Variants in CREB3L1 observed in about 807,000 individuals in gnomAD.
The protein encoded by CREB3L1 is cAMP responsive element binding protein 3 like 1.
Under a neutral mutation model 54.5 loss-of-function variants are expected in CREB3L1, and 33 were observed. The ratio of observed to expected loss-of-function variants is 0.61; its 90% CI spans 0.46 to 0.81. CREB3L1 has a LOEUF of 0.81. Among genes scored for constraint, CREB3L1 ranks in the 30% least tolerant of loss-of-function variants. The pLI, the probability that CREB3L1 is intolerant of heterozygous loss-of-function variation, is 0.00. For synonymous variants in CREB3L1, 284 were observed against 286.4 expected (o/e 0.99, Z 0.08); for missense variants, 656 against 673.3 (o/e 0.97, Z 0.29).
intron 8 of CREB3L1, chr11:46,315,680 G>T: frequency 5.7e-6 from 1 of 176,746 alleles, no homozygotes; most frequent in Non-Finnish European, 1.2e-5. Context: ...AAAATTAGCC[G>T]GCATGGTGGC....
chr11:46,280,479 T>A (rs1938953088), intron 1 of CREB3L1, among the ~76,000 whole-genome samples: 1 of 152,140 alleles, frequency 6.6e-6, no homozygotes, highest in African/African-American at 2.4e-5. Context: ...CTTGAGCCAC[T>A]GCGCCCGGCC....
chr11:46,283,584 T>G (rs775716271), intron 1 of CREB3L1, among the ~76,000 whole-genome samples: 2 of 152,054 alleles, frequency 1.3e-5, no homozygotes, highest in African/African-American at 2.4e-5. Flanking sequence ...AAAAATTGTT[T>G]TAAAAAAATC....
chr11:46,286,468 T>C (rs1939055812), intron 1 of CREB3L1, among the ~76,000 whole-genome samples: 1 of 152,204 alleles, frequency 6.6e-6, no homozygotes, highest in Admixed American at 6.5e-5. Context: ...TTATAAAGTA[T>C]AATAAAATTA....
At chr11:46,288,830 T>C (rs1939093281) in intron 1 of CREB3L1, among the ~76,000 whole-genome samples, 2 of 152,172 alleles carry the variant, frequency 1.3e-5, no homozygotes, top group Non-Finnish European at 2.9e-5. Context: ...GAGCTTGGGT[T>C]CAAATCCCCG....
Position 46,312,854 on chromosome 11 carries a change from G to T in CREB3L1, c.966G>T (p.Val322=). 6.3e-7 allele frequency: 1 copy of T among 1,591,234 alleles called. No individual in the cohort carries two copies. The change falls in exon 8 of 12, where the codon GTG becomes GTT. Residue 322 remains valine (V), a synonymous_variant. Transcript: ENST00000621158. ...KEYVECLEKK[V]ETFTSENNEL... ...TGTGCCTGCTTGGCCCCTACAGGGT[G>T]GAGACATTTACATCTGAGAACAATG...
chr11:46,296,055 G>A (rs550703801), intron 1 of CREB3L1, among the ~76,000 whole-genome samples: 1 of 152,340 alleles, frequency 6.6e-6, no homozygotes, highest in African/African-American at 2.4e-5. Context: ...CCTGTAGGAC[G>A]CTCACCCCCT....
intron 1 of CREB3L1, among the ~76,000 whole-genome samples, chr11:46,288,527 A>T (rs896638259): frequency 2.0e-5 from 3 of 152,228 alleles, no homozygotes; most frequent in African/African-American, 7.2e-5. Context: ...AGCCCTGCAG[A>T]GCCCTGATCA....
Position 46,312,632 on chromosome 11 carries a change from T to G in CREB3L1, c.924T>G (p.Arg308=). 7.4e-6 allele frequency: 12 copies of G among 1,611,704 alleles called. No homozygotes were observed. The highest frequency in any genetic ancestry group is 1.0e-5 in the Non-Finnish European group (12 of 1,178,892). The change falls in exon 7 of 12, where the codon CGT becomes CGG. Residue 308 remains arginine (R), a synonymous_variant. Transcript: ENST00000621158. Reference sequence around the variant, plus strand: ...TCTAGATCTCAGCCCAGGAGAGCCGTCGTAAGAAGAAGGAGTATGTGGAGT... The same window carrying G: ...TCTAGATCTCAGCCCAGGAGAGCCGGCGTAAGAAGAAGGAGTATGTGGAGT... ...IKNKISAQES[R]RKKKEYVECL...
In CREB3L1 at chr11:46,293,418, G is replaced by C. The variant is rs534086019; in HGVS notation, c.103-6517G>C. Among the ~76,000 whole-genome samples the C allele has an allele frequency of 2.6e-5, 4 of 152,354 alleles. No individual in the cohort carries two copies. In the South Asian group the frequency reaches 8.3e-4, roughly 32 times the overall value. ...GCCTGGTAAGAAGATGCCAGGGGCT[G>C]GCTGGGAAAATGAGGAAGCTATGGC... On this transcript the variant is annotated intron_variant, in intron 1 of 11. Coordinates refer to ENST00000621158, the MANE Select transcript of CREB3L1 (RefSeq NM_052854.4).
At chr11:46,288,409 A>T (rs1939086563) in intron 1 of CREB3L1, among the ~76,000 whole-genome samples, 1 of 152,148 alleles carries the variant, frequency 6.6e-6, no homozygotes, top group Non-Finnish European at 1.5e-5. Flanking sequence ...ATTAAGTTAT[A>T]ATTGACTGTG....
intron 1 of CREB3L1, among the ~76,000 whole-genome samples, chr11:46,297,689 G>A (rs1308834720): frequency 6.6e-6 from 1 of 152,216 alleles, no homozygotes; most frequent in Non-Finnish European, 1.5e-5. Flanking sequence ...ATTGATTGCT[G>A]GCAAACTGGG....
intron 8 of CREB3L1, 60 bp from the exon 9 acceptor site, chr11:46,316,226 C>T: frequency 9.1e-7 from 1 of 1,099,726 alleles, no homozygotes; most frequent in Non-Finnish European, 1.4e-6. Context: ...AGGAGAGCTC[C>T]AGGAGGCAGA....
chr11:46,292,044 T>A (rs961837011), intron 1 of CREB3L1, among the ~76,000 whole-genome samples: 1 of 152,228 alleles, frequency 6.6e-6, no homozygotes, highest in Admixed American at 6.5e-5. Context: ...CCTGGCGGGT[T>A]GGCCACTGTG....
At chr11:46,288,580 GCT>G (rs1939089956) in intron 1 of CREB3L1, among the ~76,000 whole-genome samples, 1 of 152,146 alleles carries the variant, frequency 6.6e-6, no homozygotes, top group African/African-American at 2.4e-5. Flanking sequence ...GAGATGGAAG[GCT>G]CTTTCCTTTG....
At chr11:46,318,880 G>C (rs984864419) in intron 10 of CREB3L1, among the ~76,000 whole-genome samples, 1 of 152,162 alleles carries the variant, frequency 6.6e-6, no homozygotes, top group South Asian at 2.1e-4. Flanking sequence ...GGAGGAAGCT[G>C]GTGTGGGGAG....
At chr11:46,280,512 G>A (rs1227699290) in intron 1 of CREB3L1, among the ~76,000 whole-genome samples, 1 of 152,028 alleles carries the variant, frequency 6.6e-6, no homozygotes, top group Admixed American at 6.6e-5. Flanking sequence ...TCTTCTTCTG[G>A]GCTTTGACTT....
chr11:46,305,819 G>C (rs1426794591), intron 2 of CREB3L1, among the ~76,000 whole-genome samples: 4 of 147,086 alleles, frequency 2.7e-5, no homozygotes, highest in African/African-American at 7.5e-5. Flanking sequence ...CTCACTGCAA[G>C]CTCCGCCTCC....
At chr11:46,280,190 GT>G (rs1267979153) in intron 1 of CREB3L1, among the ~76,000 whole-genome samples, 29 of 93,788 alleles carry the variant, frequency 3.1e-4, no homozygotes, top group African/African-American at 1.2e-3. Context: ...TTTGTTTTTT[GT>G]TTTTTGTTTT....
chr11:46,302,148 A>ACAGAG (rs1939312335), intron 2 of CREB3L1, among the ~76,000 whole-genome samples: 1 of 148,594 alleles, frequency 6.7e-6, no homozygotes, highest in African/African-American at 2.5e-5. Flanking sequence ...AGCCTGGGCA[A>ACAGAG]CAGAGCGAGG....
Sources: allele counts gnomAD v4.1 joint callset (sites outside exome capture counted in the v4.1 genomes callset), GRCh38; gene constraint gnomAD v4.1.1; transcripts MANE v1.5; gene names NCBI Gene and HGNC (gene_info 2026-07-23, HGNC 2026-07-21).